Variants in ZNF124 observed in about 807,000 individuals in gnomAD.
The protein encoded by ZNF124 is zinc finger protein HZF-16.
In ZNF124, 25 loss-of-function variants were observed where a neutral mutation model predicts 26.6. The observed-to-expected ratio is 0.94, with a 90% CI of 0.68 to 1.31. The LOEUF (loss-of-function observed/expected upper bound fraction) is 1.31, where lower values mean the gene tolerates loss of function less well. ZNF124 is among the 40% of genes most tolerant of loss of function. ZNF124 has a pLI of 0.00. For missense variants in ZNF124, 444 were observed against 422.2 expected, an observed-to-expected ratio of 1.05 and a Z score of -0.45; for synonymous variants, 129 against 133.3, an observed-to-expected ratio of 0.97 and a Z score of 0.22.
At chr1:247,160,215 A>T (rs958203155) in intron 1 of ZNF124, among the ~76,000 whole-genome samples, 2 of 151,800 alleles carry the variant, frequency 1.3e-5, no homozygotes, top group African/African-American at 4.8e-5. Flanking sequence ...CGATCTCTTG[A>T]CCTCGTGATC....
chr1:247,122,135 T>C (rs1463107995), exon 4 of ZNF124: 1 of 152,226 alleles, frequency 6.6e-6, no homozygotes, highest in Non-Finnish European at 1.5e-5. Context: ...CAAATGTTGA[T>C]AAGAACAAAT....
chr1:247,154,800 A>G (rs1487842140), downstream of ZNF124, among the ~76,000 whole-genome samples: 1 of 152,174 alleles, frequency 6.6e-6, no homozygotes, highest in Non-Finnish European at 1.5e-5. Context: ...GGAGTTTGAG[A>G]CCAGCCTGGG....
chr1:247,151,917 T>G (rs1037819496), downstream of ZNF124, among the ~76,000 whole-genome samples: 3 of 152,028 alleles, frequency 2.0e-5, no homozygotes, highest in African/African-American at 7.2e-5. Flanking sequence ...CTGCATGATG[T>G]TTATATAAAG....
At chr1:247,130,806 G>A (rs377210942) in intron 3 of ZNF124, among the ~76,000 whole-genome samples, 269 of 152,270 alleles carry the variant, frequency 1.8e-3, no homozygotes, top group African/African-American at 5.8e-3. Flanking sequence ...GGCCAAGCGC[G>A]GTGGCTCACG....
chr1:247,155,903 A>G lies in ZNF124; in HGVS notation c.*663T>C. 6 of 935,902 alleles carry G rather than the reference A, an allele frequency of 6.4e-6. No individual in the cohort carries two copies. Among genetic ancestry groups the G allele is most frequent in the Non-Finnish European group, 7.6e-6 (6 of 786,148 alleles). The allele number at this position is 935,902 out of a possible 1,614,324, so 58.0% of individuals were successfully genotyped here. A position where few individuals can be genotyped will look rare whatever the true frequency, so the allele number is the denominator to read the frequency against. ...TCTCACCTCAATTTTTTTTTTTTCA[A>G]AAGAAGTGAAAATCTATATTCTAGA... is the stretch of plus-strand genomic sequence containing the variant. On this transcript the variant is annotated 3_prime_UTR_variant, in exon 4 of 4. Coordinates refer to ENST00000543802, the MANE Select transcript of ZNF124 (RefSeq NM_001297568.2).
At chr1:247,135,816 A>C (rs1270518648) in intron 3 of ZNF124, among the ~76,000 whole-genome samples, 1 of 152,202 alleles carries the variant, frequency 6.6e-6, no homozygotes, top group Non-Finnish European at 1.5e-5. Flanking sequence ...CAGTACATCA[A>C]AAAACTTATT....
chr1:247,161,927 T>G (rs1400096637), intron 1 of ZNF124, among the ~76,000 whole-genome samples: 1 of 152,214 alleles, frequency 6.6e-6, no homozygotes, highest in African/African-American at 2.4e-5. Context: ...TACAGTCCAG[T>G]AATTTTTCTC....
chr1:247,165,075 T>A (rs1248519664), intron 1 of ZNF124, among the ~76,000 whole-genome samples: 1 of 152,066 alleles, frequency 6.6e-6, no homozygotes, highest in Non-Finnish European at 1.5e-5. Context: ...CATGCCATTC[T>A]CCTGCCTCAG....
chr1:247,124,299 G>A (rs6700824), intron 3 of ZNF124, among the ~76,000 whole-genome samples: 45,686 of 151,598 alleles, frequency 0.3, 7,162 homozygotes, highest in Middle Eastern at 0.38. Context: ...CACCTCCCAG[G>A]TTCAAGCGAT....
chr1:247,132,276 C>T (rs191449915), intron 3 of ZNF124, among the ~76,000 whole-genome samples: 103 of 152,200 alleles, frequency 6.8e-4, no homozygotes, highest in Middle Eastern at 3.4e-3. Flanking sequence ...CAGAAAAACC[C>T]CATCCAAGAG....
Position 247,156,102 on chromosome 1 carries a change from AAAGT to A in ZNF124, c.*460_*463del. 2 of 983,112 alleles carry A rather than the reference AAAGT, an allele frequency of 2.0e-6. No individual in the cohort carries two copies. The highest frequency in any genetic ancestry group is 2.4e-6 in the Non-Finnish European group (2 of 827,668). 60.9% of individuals were successfully genotyped at this position (983,112 alleles called of 1,614,324 possible). ...CAGTGGGAGTTTTCACATGACCTTT[AAAGT>A]AATTGTTAAAATTCAGAATTTTCTG... On this transcript the variant is annotated 3_prime_UTR_variant, in exon 4 of 4. Transcript: ENST00000543802.
At chr1:247,154,452 T>C (rs1244311734), downstream of ZNF124, among the ~76,000 whole-genome samples, 2 of 152,170 alleles carry the variant, frequency 1.3e-5, no homozygotes, top group Non-Finnish European at 2.9e-5. Context: ...TCTCTTTCCT[T>C]TGTAAATTGC....
At chr1:247,134,677 G>C (rs1437283470) in intron 3 of ZNF124, among the ~76,000 whole-genome samples, 1 of 152,148 alleles carries the variant, frequency 6.6e-6, no homozygotes, top group East Asian at 1.9e-4. Flanking sequence ...ACACCCCACT[G>C]TCAGTATTAG....
chr1:247,163,438 C>T (rs1338257804), intron 1 of ZNF124, among the ~76,000 whole-genome samples: 1 of 146,372 alleles, frequency 6.8e-6, no homozygotes, highest in Non-Finnish European at 1.5e-5. Context: ...TCAGAAGTGA[C>T]AAAAAGGGTA....
chr1:247,140,708 T>C (rs557525949), intron 3 of ZNF124, among the ~76,000 whole-genome samples: 1 of 152,310 alleles, frequency 6.6e-6, no homozygotes, highest in African/African-American at 2.4e-5. Context: ...CTGACTTGTC[T>C]TTGGTCTCAC....
At chr1:247,165,976 G>A (rs1216588228) in intron 1 of ZNF124, among the ~76,000 whole-genome samples, 4 of 152,036 alleles carry the variant, frequency 2.6e-5, no homozygotes, top group Non-Finnish European at 4.4e-5. Flanking sequence ...CCAGGAGTTC[G>A]AGACCAGCTT....
chr1:247,147,733 C>G (rs188030841), intron 3 of ZNF124, among the ~76,000 whole-genome samples: 2 of 152,140 alleles, frequency 1.3e-5, no homozygotes, highest in Admixed American at 1.3e-4. Flanking sequence ...AATTCTGTCT[C>G]TCTCACACTC....
chr1:247,158,862 C>T, intron 3 of ZNF124, 144 bp downstream of exon 3: 1 of 681,052 alleles, frequency 1.5e-6, no homozygotes, highest in Non-Finnish European at 2.4e-6. Context: ...CTCCTGACCT[C>T]AGGTGATCCG....
At chr1:247,157,522 C>A in intron 3 of ZNF124, 119 bp from the exon 4 acceptor site, 1 of 886,842 alleles carries the variant, frequency 1.1e-6, no homozygotes, top group Admixed American at 2.1e-5. Context: ...TTTTTCTACA[C>A]TGACTTATTT....
Sources: allele counts gnomAD v4.1 joint callset (sites outside exome capture counted in the v4.1 genomes callset), GRCh38; gene constraint gnomAD v4.1.1; transcripts MANE v1.5; gene names NCBI Gene and HGNC (gene_info 2026-07-23, HGNC 2026-07-21).